Variants in TRABD2B observed in about 807,000 individuals in gnomAD.
The protein encoded by TRABD2B is metalloprotease TIKI2.
Under a neutral mutation model 40.1 loss-of-function variants are expected in TRABD2B, and 14 were observed. The ratio of observed to expected loss-of-function variants is 0.35; its 90% CI spans 0.23 to 0.55. The LOEUF is 0.55. TRABD2B is among the 20% of genes least tolerant of loss of function. The pLI, the probability that TRABD2B is intolerant of heterozygous loss-of-function variation, is 0.90. For missense variants in TRABD2B, 541 were observed against 648.6 expected, an observed-to-expected ratio of 0.83 and a Z score of 1.80; for synonymous variants, 263 against 277.0, an observed-to-expected ratio of 0.95 and a Z score of 0.50.
At position 47,764,213 on chromosome 1, in the gene TRABD2B, A is replaced by C. The variant is rs1644274616; in HGVS notation, c.*1689T>G. ...CCACGAAGCTATAAAGTTGGGGTGC[A>C]CTGGGCTGGGAGTCAGCAGGCCCAC... On this transcript the variant is annotated 3_prime_UTR_variant, in exon 7 of 7. Transcript: ENST00000606738. 1 of 152,290 alleles carries C rather than the reference A, an allele frequency of 6.6e-6. No homozygotes were observed. Among genetic ancestry groups the C allele is most frequent in the African/African-American group, 2.4e-5 (1 of 41,478 alleles). The allele number at this position is 152,290 out of a possible 1,614,324, so 9.4% of individuals were successfully genotyped here.
chr1:47,907,523 G>T (rs1412807472), intron 2 of TRABD2B, among the ~76,000 whole-genome samples: 2 of 152,138 alleles, frequency 1.3e-5, no homozygotes. Context: ...CATGAGTTAG[G>T]ACTTGTGGTT....
intron 2 of TRABD2B, among the ~76,000 whole-genome samples, chr1:47,816,932 T>C (rs1433011836): frequency 6.6e-6 from 1 of 152,188 alleles, no homozygotes; most frequent in Non-Finnish European, 1.5e-5. Flanking sequence ...ATGAAAATAG[T>C]CTAGCAATTT....
At chr1:47,869,464 G>T (rs559404786) in intron 2 of TRABD2B, among the ~76,000 whole-genome samples, 2 of 152,090 alleles carry the variant, frequency 1.3e-5, no homozygotes, top group Non-Finnish European at 1.5e-5. Context: ...ACGGTGGTCC[G>T]CAAAAGAAGA....
At chr1:47,778,399 C>T in intron 5 of TRABD2B, 55 bp downstream of exon 5, 3 of 1,322,600 alleles carry the variant, frequency 2.3e-6, no homozygotes, top group East Asian at 5.0e-5. Context: ...CTCCTGAAAG[C>T]CTGGGCAGGA....
chr1:47,792,239 A>G lies in TRABD2B; in HGVS notation c.988+2347T>C, dbSNP rs527913031. ...TAAATTCACCAGCCCAGAGGAGAAC[A>G]GGATGGGAGACCCTGGTCAACGTTC... On this transcript the variant is annotated intron_variant, in intron 4 of 6. Transcript: ENST00000606738. 2.2e-4 allele frequency among the ~76,000 whole-genome samples: 33 copies of G among 152,332 alleles called. 1 individual carries two copies. In the South Asian group the frequency reaches 6.6e-3, roughly 31 times the overall value.
intron 2 of TRABD2B, among the ~76,000 whole-genome samples, chr1:47,915,811 A>G (rs2124718904): frequency 6.6e-6 from 1 of 152,184 alleles, no homozygotes; most frequent in African/African-American, 2.4e-5. Flanking sequence ...CCTGTGCCGG[A>G]CCCTGGGAGC....
At chr1:47,831,430 C>T (rs1239580284) in intron 2 of TRABD2B, among the ~76,000 whole-genome samples, 3 of 152,086 alleles carry the variant, frequency 2.0e-5, no homozygotes, top group African/African-American at 4.8e-5. Context: ...GCAGTGTGAA[C>T]GTCTTTTGTG....
At chr1:47,868,240 G>C (rs932083181) in intron 2 of TRABD2B, among the ~76,000 whole-genome samples, 1 of 152,230 alleles carries the variant, frequency 6.6e-6, no homozygotes, top group Non-Finnish European at 1.5e-5. Context: ...GCCAAGGCCT[G>C]TGCTGACTTT....
chr1:47,834,740 A>G (rs1226185241), intron 2 of TRABD2B, among the ~76,000 whole-genome samples: 1 of 152,226 alleles, frequency 6.6e-6, no homozygotes, highest in Non-Finnish European at 1.5e-5. Context: ...TAGTTCAGAA[A>G]AGTCATTAAT....
At chr1:47,948,625 G>A (rs1645294658) in intron 2 of TRABD2B, among the ~76,000 whole-genome samples, 1 of 152,022 alleles carries the variant, frequency 6.6e-6, no homozygotes, top group African/African-American at 2.4e-5. Flanking sequence ...GCAGCTCCAA[G>A]ACCTCACCCC....
intron 2 of TRABD2B, among the ~76,000 whole-genome samples, chr1:47,961,961 C>A (rs1645523259): frequency 1.3e-5 from 2 of 152,274 alleles, no homozygotes; most frequent in African/African-American, 4.8e-5. Context: ...TTGGAACCAA[C>A]CCAAATGTCC....
intron 2 of TRABD2B, among the ~76,000 whole-genome samples, chr1:47,891,046 A>G (rs1644437963): frequency 6.6e-6 from 1 of 152,218 alleles, no homozygotes; most frequent in Non-Finnish European, 1.5e-5. Context: ...GCTGAGTTCC[A>G]ATCCCGGCTC....
At chr1:47,918,217 G>A (rs1261278471) in intron 2 of TRABD2B, among the ~76,000 whole-genome samples, 2 of 152,182 alleles carry the variant, frequency 1.3e-5, no homozygotes, top group African/African-American at 4.8e-5. Context: ...GTCTGTCTCC[G>A]TGGCTGGGCT....
intron 2 of TRABD2B, among the ~76,000 whole-genome samples, chr1:47,885,183 A>T (rs1281020448): frequency 2.0e-5 from 3 of 152,056 alleles, no homozygotes; most frequent in African/African-American, 7.2e-5. Flanking sequence ...TCACTTCCAA[A>T]ACTTTTGCAC....
intron 2 of TRABD2B, among the ~76,000 whole-genome samples, chr1:47,864,840 G>T (rs945674687): frequency 6.6e-6 from 1 of 152,124 alleles, no homozygotes; most frequent in African/African-American, 2.4e-5. Context: ...CTCTCTGTGC[G>T]TTGGGTGGAC....
Position 47,794,688 on chromosome 1 carries a change from G to A in TRABD2B, c.886C>T (p.Arg296Cys), listed in dbSNP as rs1644722302. The A allele has an allele frequency of 2.6e-6, 4 of 1,536,378 alleles. No homozygotes were observed. Among genetic ancestry groups the A allele is most frequent in the Middle Eastern group, 3.3e-4 (2 of 6,008 alleles). The change falls in exon 4 of 7, where the codon CGC becomes TGC. Residue 296 changes from arginine to cysteine, a missense_variant. By Grantham distance (180) the Arg-to-Cys change is radical. This residue lies in a region of TRABD2B where 369 missense variants were observed against 492.8 expected (regional missense o/e 0.75). Transcript: ENST00000606738. ...VTAQEIDSYF[R>C]QELIYKRNER... is the part of the protein sequence containing the mutation. ...TTCCTCTTGTAGATGAGCTCCTGGC[G>A]GAAGTAGCTGTCAATCTCCTGGGCC...
intron 2 of TRABD2B, among the ~76,000 whole-genome samples, chr1:47,914,395 T>C (rs950986939): frequency 7.9e-5 from 12 of 152,218 alleles, no homozygotes; most frequent in Admixed American, 1.3e-4. Flanking sequence ...ACCGTCCTGG[T>C]GACCTGGACA....
At chr1:47,780,124 G>A (rs1308673826) in intron 4 of TRABD2B, among the ~76,000 whole-genome samples, 1 of 152,126 alleles carries the variant, frequency 6.6e-6, no homozygotes, top group Non-Finnish European at 1.5e-5. Flanking sequence ...GGCTGACCAT[G>A]CCTGACTATG....
At chr1:47,836,592 T>C (rs75572642) in intron 2 of TRABD2B, among the ~76,000 whole-genome samples, 3,683 of 152,364 alleles carry the variant, frequency 0.024, 117 homozygotes, top group Admixed American at 0.094. Flanking sequence ...GCGATTATTC[T>C]TAACTGTGAG....
Sources: gnomAD v4.1 joint callset for allele counts (sites outside exome capture counted in the v4.1 genomes callset) on GRCh38, gnomAD v4.1.1 for gene constraint, gnomAD v4.1.1 regional missense constraint, MANE v1.5 for transcripts, NCBI Gene and HGNC (gene_info 2026-07-23, HGNC 2026-07-21) for gene names.